SCN11A: variants seen among roughly 807,000 people sequenced by gnomAD.
SCN11A encodes the protein sodium channel protein type 11 subunit alpha.
In SCN11A, 122 loss-of-function variants were observed where a neutral mutation model predicts 162.2. That is an observed-to-expected ratio of 0.75 (90% confidence interval 0.65 to 0.87). The LOEUF (loss-of-function observed/expected upper bound fraction) is 0.87. SCN11A is among the 40% of genes least tolerant of loss of function. The pLI, the probability that SCN11A is intolerant of heterozygous loss-of-function variation, is 0.00. For missense variants in SCN11A, 2,015 were observed against 2,181.6 expected (o/e 0.92, Z 1.52); for synonymous variants, 758 against 751.5 (o/e 1.01, Z -0.14).
At chr3:38,990,322 C>T (rs2030412340) in intron 2 of SCN11A, among the ~76,000 whole-genome samples, 1 of 152,160 alleles carries the variant, frequency 6.6e-6, no homozygotes, top group Admixed American at 6.5e-5. Flanking sequence ...AGAGACCGAA[C>T]ACAGACATGG....
Position 38,986,235 on chromosome 3 carries a change from C to CA in SCN11A, c.-279-25813dup, listed in dbSNP as rs1344545846. 1.5e-4 allele frequency among the ~76,000 whole-genome samples: 22 copies of CA among 150,966 alleles called. 1 individual carries two copies. Among genetic ancestry groups the CA allele is most frequent in the African/African-American group, 5.5e-4 (22 of 40,310 alleles). Reference sequence around the variant, plus strand: ...CAATGGACCGTCACCACACCATCCACACTGCTGCCAGAAGGAAGTGCCGAC... The same window carrying CA: ...CAATGGACCGTCACCACACCATCCACAACTGCTGCCAGAAGGAAGTGCCGAC... On this transcript the variant is annotated intron_variant, in intron 2 of 29. Coordinates refer to ENST00000302328, the MANE Select transcript of SCN11A (RefSeq NM_001349253.2).
chr3:38,972,280 T>C (rs911554575), intron 2 of SCN11A, among the ~76,000 whole-genome samples: 4 of 152,124 alleles, frequency 2.6e-5, no homozygotes, highest in African/African-American at 9.7e-5. Context: ...CTCATAGCCA[T>C]GATCAAGGGC....
At chr3:38,878,981 C>T (rs1240681747) in intron 23 of SCN11A, among the ~76,000 whole-genome samples, 1 of 152,010 alleles carries the variant, frequency 6.6e-6, no homozygotes, top group Non-Finnish European at 1.5e-5. Flanking sequence ...TACTAGGTTG[C>T]ACCAGTTTTA....
intron 2 of SCN11A, among the ~76,000 whole-genome samples, chr3:38,970,133 C>T (rs1436906531): frequency 6.6e-6 from 1 of 152,158 alleles, no homozygotes; most frequent in Admixed American, 6.5e-5. Flanking sequence ...GGGGAGAGAG[C>T]GGAGGAGGGT....
At chr3:38,898,062 C>T (rs948840829) in intron 17 of SCN11A, among the ~76,000 whole-genome samples, 1 of 151,892 alleles carries the variant, frequency 6.6e-6, no homozygotes, top group South Asian at 2.1e-4. Context: ...CATGGTGAAA[C>T]CCCCATCTCT....
chr3:38,978,877 CT>C (rs2029889248), intron 2 of SCN11A, among the ~76,000 whole-genome samples: 1 of 152,146 alleles, frequency 6.6e-6, no homozygotes, highest in Non-Finnish European at 1.5e-5. Context: ...TGCCATGTCA[CT>C]GCCACAGGGT....
chr3:38,920,983 C>T, intron 10 of SCN11A, 93 bp downstream of exon 10: 1 of 1,171,410 alleles, frequency 8.5e-7, no homozygotes, highest in Non-Finnish European at 1.3e-6. Flanking sequence ...TGCTAAGAGA[C>T]TCTGTAAGGG....
In SCN11A at chr3:38,910,203, A is replaced by G; in HGVS notation, c.964T>C (p.Cys322Arg). The G allele has an allele frequency of 6.2e-7, 1 of 1,611,098 alleles. No homozygotes were observed. The highest frequency in any genetic ancestry group is 1.1e-5 in the South Asian group (1 of 90,500). Reference protein sequence around the residue: ...MCGIWMGNSACSIQYECKHTK... With the variant: ...MCGIWMGNSARSIQYECKHTK... ...TGCTTACATTCATATTGTATGGAAC[A>G]GGCACTAGATATTGGAAACAAACAG... Residue 322 changes from cysteine (C) to arginine (R), a missense_variant, in exon 12 of 30, where the codon TGT (cysteine) becomes CGT (arginine). Cys to Arg is a radical substitution (Grantham distance 180). Coordinates refer to ENST00000302328, the MANE Select transcript of SCN11A (RefSeq NM_001349253.2).
chr3:39,029,106 G>A (rs1361347934), intron 2 of SCN11A, among the ~76,000 whole-genome samples: 1 of 152,078 alleles, frequency 6.6e-6, no homozygotes, highest in East Asian at 1.9e-4. Flanking sequence ...CTTTACCTGT[G>A]TTTTTAAGTC....
intron 2 of SCN11A, among the ~76,000 whole-genome samples, chr3:38,978,417 G>A (rs138369029): frequency 1.3e-4 from 20 of 152,312 alleles, no homozygotes; most frequent in African/African-American, 4.8e-4. Flanking sequence ...AGGCCCAGGT[G>A]GGTGGATAAT....
At chr3:38,918,271 T>C (rs2065991722) in intron 11 of SCN11A, among the ~76,000 whole-genome samples, 1 of 152,122 alleles carries the variant, frequency 6.6e-6, no homozygotes. Context: ...GGGCTCCCTT[T>C]AAGACAGGGA....
At chr3:39,013,031 A>G (rs145218962) in intron 2 of SCN11A, among the ~76,000 whole-genome samples, 230 of 152,362 alleles carry the variant, frequency 1.5e-3, no homozygotes, top group African/African-American at 5.4e-3. Context: ...GCTAGAGTTT[A>G]TAAATGCAAG....
chr3:38,996,175 A>G (rs1368140755), intron 2 of SCN11A, among the ~76,000 whole-genome samples: 1 of 152,082 alleles, frequency 6.6e-6, no homozygotes, highest in Non-Finnish European at 1.5e-5. Flanking sequence ...TTTTTCAGTC[A>G]TCCCACCTGT....
intron 26 of SCN11A, among the ~76,000 whole-genome samples, chr3:38,868,548 AG>A (rs1364472350): frequency 6.6e-6 from 1 of 152,216 alleles, no homozygotes; most frequent in East Asian, 1.9e-4. Context: ...AAAGGTTTGA[AG>A]GTGGAGAGTT....
At chr3:39,042,280 A>C (rs2032066206) in intron 1 of SCN11A, among the ~76,000 whole-genome samples, 1 of 152,162 alleles carries the variant, frequency 6.6e-6, no homozygotes, top group African/African-American at 2.4e-5. Context: ...AAAAAAACCC[A>C]AACAAACCAA....
intron 2 of SCN11A, among the ~76,000 whole-genome samples, chr3:38,980,393 G>A (rs908579606): frequency 6.6e-6 from 1 of 152,200 alleles, no homozygotes; most frequent in Non-Finnish European, 1.5e-5. Context: ...TCTCCAGGAA[G>A]GGAAGTTAAT....
chr3:38,899,046 T>C (rs1334542021), intron 17 of SCN11A, among the ~76,000 whole-genome samples: 1 of 152,068 alleles, frequency 6.6e-6, no homozygotes, highest in East Asian at 1.9e-4. Context: ...ATAAAAAATA[T>C]AAAATGTACA....
intron 17 of SCN11A, among the ~76,000 whole-genome samples, chr3:38,899,006 A>C (rs1487271442): frequency 6.6e-6 from 1 of 152,144 alleles, no homozygotes; most frequent in Admixed American, 6.5e-5. Context: ...CCTGACTTTG[A>C]GCAGTGTAAC....
intron 2 of SCN11A, among the ~76,000 whole-genome samples, chr3:39,011,015 G>A (rs555489144): frequency 2.0e-5 from 3 of 152,246 alleles, no homozygotes; most frequent in East Asian, 1.9e-4. Context: ...CCTTGTTGCC[G>A]AACCAAACCT....
Sources: gnomAD v4.1 joint callset for allele counts (sites outside exome capture counted in the v4.1 genomes callset) on GRCh38, gnomAD v4.1.1 for gene constraint, MANE v1.5 for transcripts, NCBI Gene and HGNC (gene_info 2026-07-23, HGNC 2026-07-21) for gene names.